SHISA9: variants seen among roughly 807,000 people sequenced by gnomAD.
SHISA9 encodes the protein protein shisa-9.
A neutral mutation model predicts 38.0 loss-of-function variants in SHISA9; 13 were observed. The ratio of observed to expected loss-of-function variants is 0.34; its 90% CI spans 0.22 to 0.54. SHISA9 has a LOEUF of 0.54. Among genes scored for constraint, SHISA9 ranks in the 20% least tolerant of loss-of-function variants. The pLI, the probability that SHISA9 is intolerant of heterozygous loss-of-function variation, is 0.91. For missense variants in SHISA9, 538 were observed against 575.8 expected (o/e 0.93, Z 0.67); for synonymous variants, 275 against 242.0 (o/e 1.14, Z -1.27).
intron 3 of SHISA9, among the ~76,000 whole-genome samples, chr16:13,212,252 A>G (rs2051127984): frequency 6.6e-6 from 1 of 152,198 alleles, no homozygotes; most frequent in African/African-American, 2.4e-5. Flanking sequence ...GGAAAGAGCT[A>G]GGACCACACG....
chr16:13,058,185 A>C (rs373426484), intron 2 of SHISA9, among the ~76,000 whole-genome samples: 1 of 152,134 alleles, frequency 6.6e-6, no homozygotes, highest in African/African-American at 2.4e-5. Context: ...ATGCTTTTCC[A>C]GTGATTGAGT....
chr16:13,284,281 G>T, the SHISA9 span, among the ~76,000 whole-genome samples: 2 of 151,938 alleles, frequency 1.3e-5, no homozygotes, highest in African/African-American at 2.4e-5. Context: ...GTTTTCCACC[G>T]TCTGAAAAAC....
At chr16:13,530,766 G>A in the SHISA9 span, among the ~76,000 whole-genome samples, 22,400 of 152,062 alleles carry the variant, frequency 0.15, 1,954 homozygotes, top group East Asian at 0.37. Flanking sequence ...AGATGCTTGC[G>A]GGAGGCCAAC....
chr16:13,396,840 C>T, the SHISA9 span, among the ~76,000 whole-genome samples: 177 of 152,192 alleles, frequency 1.2e-3, no homozygotes, highest in Admixed American at 2.8e-3. Flanking sequence ...CCATGAGTCC[C>T]CATCACTGCA....
intron 2 of SHISA9, among the ~76,000 whole-genome samples, chr16:12,989,565 G>A (rs916095574): frequency 2.0e-5 from 3 of 151,976 alleles, no homozygotes; most frequent in African/African-American, 4.8e-5. Flanking sequence ...TCTTCAGCTT[G>A]AAAGGTTTGG....
chr16:13,330,049 G>A, the SHISA9 span, among the ~76,000 whole-genome samples: 1 of 152,214 alleles, frequency 6.6e-6, no homozygotes, highest in South Asian at 2.1e-4. Flanking sequence ...ACTCATCTCT[G>A]CAGCACAGTG....
the SHISA9 span, among the ~76,000 whole-genome samples, chr16:13,367,752 C>T: frequency 7.4e-6 from 1 of 135,188 alleles, no homozygotes; most frequent in Non-Finnish European, 1.6e-5. Flanking sequence ...ACACACACCC[C>T]TGAATTTGGT....
the SHISA9 span, among the ~76,000 whole-genome samples, chr16:13,358,611 G>C: frequency 2.0e-5 from 3 of 152,154 alleles, no homozygotes; most frequent in Non-Finnish European, 4.4e-5. Context: ...AACCGTAAGA[G>C]AGTATTCTCT....
At chr16:13,243,769 G>A (rs1022396878), downstream of SHISA9, among the ~76,000 whole-genome samples, 22 of 89,824 alleles carry the variant, frequency 2.4e-4, no homozygotes, top group Non-Finnish European at 4.6e-4. Context: ...TTACAGCAGC[G>A]TTTTTTTTTT....
At chr16:13,224,455 C>A (rs1054828726) in intron 4 of SHISA9, among the ~76,000 whole-genome samples, 2 of 152,170 alleles carry the variant, frequency 1.3e-5, no homozygotes, top group African/African-American at 4.8e-5. Context: ...ACTGAATGAC[C>A]AGGAGATGTA....
At chr16:12,935,090 C>A (rs573897773) in intron 2 of SHISA9, among the ~76,000 whole-genome samples, 1 of 152,182 alleles carries the variant, frequency 6.6e-6, no homozygotes, top group Non-Finnish European at 1.5e-5. Context: ...TATTGAGTCA[C>A]ATGCTCACCC....
chr16:13,146,673 A>C (rs2050449925), intron 2 of SHISA9, among the ~76,000 whole-genome samples: 1 of 152,230 alleles, frequency 6.6e-6, no homozygotes, highest in African/African-American at 2.4e-5. Context: ...TATTATATGA[A>C]GCAACAGAAG....
At chr16:12,939,399 T>C (rs145345503) in intron 2 of SHISA9, among the ~76,000 whole-genome samples, 1 of 152,208 alleles carries the variant, frequency 6.6e-6, no homozygotes, top group Non-Finnish European at 1.5e-5. Context: ...GTAGTTTCTT[T>C]TGAATATCCC....
intron 2 of SHISA9, among the ~76,000 whole-genome samples, chr16:13,117,475 A>T (rs1201130579): frequency 6.6e-6 from 1 of 152,244 alleles, no homozygotes; most frequent in Non-Finnish European, 1.5e-5. Context: ...GGTCTTGCAG[A>T]TGTAACCAAG....
intron 2 of SHISA9, among the ~76,000 whole-genome samples, chr16:13,013,553 A>G (rs1314098918): frequency 6.6e-6 from 1 of 152,010 alleles, no homozygotes; most frequent in Non-Finnish European, 1.5e-5. Flanking sequence ...TAGACTTCCT[A>G]CATGCTAAAC....
At chr16:13,253,809 A>T in the SHISA9 span, among the ~76,000 whole-genome samples, 1 of 152,224 alleles carries the variant, frequency 6.6e-6, no homozygotes, top group African/African-American at 2.4e-5. Flanking sequence ...GTATTATGAA[A>T]CGTCCCCATA....
the SHISA9 span, among the ~76,000 whole-genome samples, chr16:13,546,417 C>A: frequency 6.6e-6 from 1 of 152,148 alleles, no homozygotes; most frequent in African/African-American, 2.4e-5. Context: ...GTGATGAATT[C>A]CCTCAGCTTG....
At chr16:13,379,541 C>T in the SHISA9 span, among the ~76,000 whole-genome samples, 1 of 152,202 alleles carries the variant, frequency 6.6e-6, no homozygotes, top group Non-Finnish European at 1.5e-5. Flanking sequence ...CAGGGGCTGA[C>T]AAGTGGCAAA....
At chr16:13,015,619 A>G (rs959081914) in intron 2 of SHISA9, among the ~76,000 whole-genome samples, 1 of 152,158 alleles carries the variant, frequency 6.6e-6, no homozygotes, top group African/African-American at 2.4e-5. Context: ...TGCAAAGTCA[A>G]TGCTAGCGTA....
Sources: gnomAD v4.1 joint callset for allele counts (sites outside exome capture counted in the v4.1 genomes callset) on GRCh38, gnomAD v4.1.1 for gene constraint, MANE v1.5 for transcripts, NCBI Gene and HGNC (gene_info 2026-07-23, HGNC 2026-07-21) for gene names.